TBC1D15: variants seen among roughly 807,000 people sequenced by gnomAD.
TBC1D15 encodes GAP for RAB7.
TBC1D15 carries 39 observed loss-of-function variants against 95.4 expected under a neutral mutation model. That is an observed-to-expected ratio of 0.41 (90% CI 0.32 to 0.53). TBC1D15 has a LOEUF of 0.53. Among genes scored for constraint, TBC1D15 ranks in the 20% least tolerant of loss-of-function variants. The pLI, the probability that TBC1D15 is intolerant of heterozygous loss-of-function variation, is 0.29. For synonymous variants in TBC1D15, 258 were observed against 261.3 expected (o/e 0.99, Z 0.12); for missense variants, 733 against 794.3 (o/e 0.92, Z 0.93).
chr12:71,839,823 C>T lies in TBC1D15; in HGVS notation c.30+12C>T, dbSNP rs1313656024. The T allele has an allele frequency of 6.2e-7, 1 of 1,614,072 alleles. No homozygotes were observed. On this transcript the variant is annotated intron_variant, in intron 1 of 16. Coordinates refer to ENST00000485960, the MANE Select transcript of TBC1D15 (RefSeq NM_001146213.3). The stretch of plus-strand genomic sequence containing the variant: ...TTGTGAGCGGGAAGGTAGGTAACGG[C>T]CTCCAGGAAGACCTCGGCTTTTCTC...
At chr12:71,872,525 A>G (rs1892910375) in intron 2 of TBC1D15, among the ~76,000 whole-genome samples, 1 of 152,196 alleles carries the variant, frequency 6.6e-6, no homozygotes, top group African/African-American at 2.4e-5. Context: ...TCAAGTGTTG[A>G]TTATCTCATG....
At chr12:71,917,645 G>T (rs1297209602) in intron 12 of TBC1D15, 53 bp from the exon 13 acceptor site, 1 of 1,190,420 alleles carries the variant, frequency 8.4e-7, no homozygotes, top group Admixed American at 1.8e-5. Flanking sequence ...CAGTCATTAT[G>T]TACTATAAAA....
rs542255091 is a variant in TBC1D15 at position 71,923,862 on chromosome 12, G to A, written c.*658G>A. 5 of 152,534 alleles carry A rather than the reference G, an allele frequency of 3.3e-5. No individual in the cohort carries two copies. The East Asian group carries it at 9.7e-4, about 29-fold the overall frequency. The allele number at this position is 152,534 out of a possible 1,614,324, so 9.4% of individuals were successfully genotyped here. A position where few individuals can be genotyped will look rare whatever the true frequency, so the allele number is the denominator to read the frequency against. On this transcript the variant is annotated 3_prime_UTR_variant, in exon 17 of 17. Transcript: ENST00000485960. ...TTATTTATGAGTATAAGAAAGGTTA[G>A]GCATATTTTCATTAACTGAATAAAC...
intron 1 of TBC1D15, among the ~76,000 whole-genome samples, chr12:71,856,372 G>T (rs1323978799): frequency 6.6e-6 from 1 of 152,058 alleles, no homozygotes; most frequent in Non-Finnish European, 1.5e-5. Context: ...AGAATGTATT[G>T]CCTATACATT....
At chr12:71,865,148 C>T (rs1465270685) in intron 1 of TBC1D15, among the ~76,000 whole-genome samples, 1 of 152,146 alleles carries the variant, frequency 6.6e-6, no homozygotes, top group Non-Finnish European at 1.5e-5. Flanking sequence ...GTTTCCATGT[C>T]CAGGCTCAGC....
chr12:71,885,970 C>G (rs1896138041), intron 5 of TBC1D15, among the ~76,000 whole-genome samples: 1 of 152,108 alleles, frequency 6.6e-6, no homozygotes. Context: ...GGCCAAAGAG[C>G]TGAGTAAAGT....
At chr12:71,859,133 T>G (rs1433131840) in intron 1 of TBC1D15, among the ~76,000 whole-genome samples, 2 of 152,146 alleles carry the variant, frequency 1.3e-5, no homozygotes, top group African/African-American at 4.8e-5. Context: ...GTATGTTTTT[T>G]TTGTCATCGT....
Position 71,911,078 on chromosome 12 carries a change from A to G in TBC1D15, c.1301-2748A>G, listed in dbSNP as rs113437053. On this transcript the variant is annotated intron_variant, in intron 11 of 16. Coordinates refer to ENST00000485960, the MANE Select transcript of TBC1D15 (RefSeq NM_001146213.3). ...CAAATCAAAACCACAGTGAGATACC[A>G]TCTCACACCAGTTAGAATGGCAATC... Among the ~76,000 whole-genome samples the G allele has an allele frequency of 2.5e-3, 386 of 152,324 alleles. 1 individual carries two copies. Among genetic ancestry groups the G allele is most frequent in the African/African-American group, 8.8e-3 (366 of 41,570 alleles).
chr12:71,906,428 A>G (rs969335911), intron 10 of TBC1D15, among the ~76,000 whole-genome samples: 2 of 152,230 alleles, frequency 1.3e-5, no homozygotes, highest in African/African-American at 4.8e-5. Flanking sequence ...CACATTGATG[A>G]TGATGTTTCC....
At chr12:71,898,947 T>A (rs1898761816) in intron 10 of TBC1D15, among the ~76,000 whole-genome samples, 1 of 152,180 alleles carries the variant, frequency 6.6e-6, no homozygotes, top group Non-Finnish European at 1.5e-5. Flanking sequence ...TTTCTCTGAT[T>A]AAGGCGAAAG....
chr12:71,855,056 G>A (rs935327176), intron 1 of TBC1D15, among the ~76,000 whole-genome samples: 1 of 152,130 alleles, frequency 6.6e-6, no homozygotes, highest in African/African-American at 2.4e-5. Context: ...GCATGGCTGG[G>A]GAGGCCTCAG....
intron 3 of TBC1D15, among the ~76,000 whole-genome samples, chr12:71,874,749 A>G (rs1893429320): frequency 6.6e-6 from 1 of 150,532 alleles, no homozygotes; most frequent in Non-Finnish European, 1.5e-5. Flanking sequence ...CAGCCTTCCA[A>G]GTAGCTGGGA....
Position 71,859,651 on chromosome 12 carries a change from G to A in TBC1D15, c.31-12419G>A, listed in dbSNP as rs139630373. On this transcript the variant is annotated intron_variant, in intron 1 of 16. Transcript: ENST00000485960. ...GAGATGGAGTCTCACTATGTTGCCC[G>A]GGCTGGAGTGTAGTGGCGTGATCTC... 5.1e-3 allele frequency among the ~76,000 whole-genome samples: 766 copies of A among 151,540 alleles called. 6 individuals are homozygous for A. The highest frequency in any genetic ancestry group is 0.017 in the African/African-American group (708 of 41,222).
chr12:71,873,318 G>A (rs897570609), intron 3 of TBC1D15, among the ~76,000 whole-genome samples: 14 of 152,060 alleles, frequency 9.2e-5, no homozygotes, highest in Admixed American at 2.0e-4. Context: ...TAATAATGTA[G>A]TGTTTTTTTT....
intron 1 of TBC1D15, chr12:71,849,163 TA>T (rs3832834): frequency 0.16 from 28,340 of 176,694 alleles, 1,185 homozygotes; most frequent in African/African-American, 0.25. Flanking sequence ...ACTGTGATTA[TA>T]AAAAAAAAAA....
intron 5 of TBC1D15, among the ~76,000 whole-genome samples, chr12:71,890,353 C>G (rs1029374099): frequency 6.6e-6 from 1 of 152,158 alleles, no homozygotes; most frequent in Non-Finnish European, 1.5e-5. Context: ...TCAAGGAAAT[C>G]TTGGTTTCAG....
At chr12:71,918,413 A>G (rs751525434) in intron 13 of TBC1D15, 38 bp from the exon 14 acceptor site, 3 of 1,299,680 alleles carry the variant, frequency 2.3e-6, no homozygotes, top group South Asian at 2.6e-5. Flanking sequence ...TAATTAGCAT[A>G]AGAGTAAGTC....
chr12:71,920,741 C>T lies in TBC1D15; in HGVS notation c.1610C>T (p.Thr537Ile), dbSNP rs748373866. 1 of 1,611,322 alleles carries T rather than the reference C, an allele frequency of 6.2e-7. No homozygotes were observed. Among genetic ancestry groups the T allele is most frequent in the Non-Finnish European group, 8.5e-7 (1 of 1,178,776 alleles). ...DILRLWEVMWTELPCTNFHLL... is the reference protein window; with the variant it reads ...DILRLWEVMWIELPCTNFHLL... ...TTCTGCCTTCTATAGGTAATGTGGA[C>T]CGAACTACCATGTACAAATTTCCAT... The change falls in exon 15 of 17, where the codon ACC (threonine) becomes ATC (isoleucine). Residue 537 changes from threonine (T) to isoleucine (I), a missense_variant. Transcript: ENST00000485960.
chr12:71,906,915 G>A (rs1566055601), intron 10 of TBC1D15, 107 bp from the exon 11 acceptor site: 2 of 539,216 alleles, frequency 3.7e-6, no homozygotes, highest in East Asian at 6.1e-5. Context: ...AAAGCTTGGT[G>A]AGTGAAATTA....
Sources: gnomAD v4.1 joint callset for allele counts (sites outside exome capture counted in the v4.1 genomes callset) on GRCh38, gnomAD v4.1.1 for gene constraint, MANE v1.5 for transcripts, NCBI Gene and HGNC (gene_info 2026-07-23, HGNC 2026-07-21) for gene names.